KTN1: variants seen among roughly 807,000 people sequenced by gnomAD.
KTN1 encodes the protein kinectin.
A neutral mutation model predicts 222.5 loss-of-function variants in KTN1; 130 were observed. That is an observed-to-expected ratio of 0.58 (90% confidence interval 0.51 to 0.68). The LOEUF is 0.68. Among genes scored for constraint, KTN1 ranks in the 30% least tolerant of loss-of-function variants. The pLI is 0.00. For synonymous variants in KTN1, 512 were observed against 496.3 expected (o/e 1.03, Z -0.42); for missense variants, 1,508 against 1,500.4 (o/e 1.01, Z -0.08).
Position 55,612,217 on chromosome 14 carries a change from G to C in KTN1, c.169G>C (p.Ala57Pro). 6.3e-7 allele frequency: 1 copy of C among 1,584,598 alleles called. No individual in the cohort carries two copies. The highest frequency in any genetic ancestry group is 2.2e-5 in the East Asian group (1 of 44,648). ...LIPTKTDKKK[A>P]EKKKNKKKEI... ...TCCTACCAAAACAGATAAAAAGAAAGCAGAAAAGAAAAAGAATAAAAAGAA... is the reference window on the plus strand; with the variant it reads ...TCCTACCAAAACAGATAAAAAGAAACCAGAAAAGAAAAAGAATAAAAAGAA... Residue 57 changes from alanine to proline, a missense_variant, in exon 2 of 44, where the codon GCA becomes CCA. By Grantham distance (27) the Ala-to-Pro change is conservative. Transcript: ENST00000395314.
chr14:55,623,699 G>A (rs1382389252), intron 5 of KTN1, among the ~76,000 whole-genome samples: 5 of 152,080 alleles, frequency 3.3e-5, no homozygotes, highest in Admixed American at 2.0e-4. Flanking sequence ...TTTGTCCTTC[G>A]GTTTATTTTA....
intron 1 of KTN1, among the ~76,000 whole-genome samples, chr14:55,591,242 A>T (rs1334150366): frequency 6.6e-6 from 1 of 152,212 alleles, no homozygotes; most frequent in East Asian, 1.9e-4. Context: ...CAGGTATACT[A>T]TTCCATGCTG....
intron 1 of KTN1, among the ~76,000 whole-genome samples, chr14:55,604,728 A>G (rs74660577): frequency 1.3e-3 from 191 of 152,076 alleles, no homozygotes; most frequent in African/African-American, 4.5e-3. Context: ...TAACAAATGA[A>G]TAATAAAGAC....
chr14:55,641,023 T>A, intron 16 of KTN1, 53 bp downstream of exon 16: 1 of 1,525,902 alleles, frequency 6.6e-7, no homozygotes, highest in Non-Finnish European at 9.1e-7. Flanking sequence ...TTAATTATAA[T>A]TGTTGCAGAA....
At chr14:55,672,217 C>A in intron 37 of KTN1, 1 of 234,320 alleles carries the variant, frequency 4.3e-6, no homozygotes, top group South Asian at 1.2e-4. Flanking sequence ...AAAAGTCATT[C>A]TTCTATTCCT....
At chr14:55,591,162 G>GT (rs137981443) in intron 1 of KTN1, among the ~76,000 whole-genome samples, 9,655 of 151,566 alleles carry the variant, frequency 0.064, 411 homozygotes, top group South Asian at 0.091. Flanking sequence ...CTAGGATAGT[G>GT]TTTTTTTTCA....
chr14:55,618,513 A>G (rs967157395), intron 4 of KTN1, among the ~76,000 whole-genome samples: 9 of 152,148 alleles, frequency 5.9e-5, no homozygotes, highest in Non-Finnish European at 1.2e-4. Context: ...CTGTTTCCAC[A>G]TAAGTACACA....
At chr14:55,631,180 C>T (rs74666735) in intron 7 of KTN1, among the ~76,000 whole-genome samples, 2 of 151,140 alleles carry the variant, frequency 1.3e-5, no homozygotes, top group African/African-American at 4.9e-5. Flanking sequence ...TGGCTTGAGT[C>T]TGCTTGCTTG....
chr14:55,640,490 G>T, intron 15 of KTN1, 48 bp downstream of exon 15: 1 of 1,317,976 alleles, frequency 7.6e-7, no homozygotes, highest in South Asian at 1.3e-5. Flanking sequence ...TTCAATTTGC[G>T]TATTCTTATT....
intron 1 of KTN1, among the ~76,000 whole-genome samples, chr14:55,582,562 T>A (rs1271065098): frequency 6.6e-6 from 1 of 152,192 alleles, no homozygotes; most frequent in Non-Finnish European, 1.5e-5. Flanking sequence ...CATAATTGTT[T>A]TTTTAAAAGT....
chr14:55,668,446 T>C (rs2045091641), intron 34 of KTN1: 1 of 152,170 alleles, frequency 6.6e-6, no homozygotes, highest in Non-Finnish European at 1.5e-5. Context: ...CCTGTGGTGT[T>C]AGCATGTTCC....
chr14:55,608,007 CAT>C (rs1362117664), intron 1 of KTN1, among the ~76,000 whole-genome samples: 5 of 152,224 alleles, frequency 3.3e-5, no homozygotes, highest in African/African-American at 1.2e-4. Flanking sequence ...TGAGCGTCTA[CAT>C]GTCTCCATGT....
At chr14:55,660,303 A>G (rs367954303) in intron 31 of KTN1, among the ~76,000 whole-genome samples, 2 of 151,846 alleles carry the variant, frequency 1.3e-5, no homozygotes, top group Admixed American at 6.6e-5. Context: ...TTTTTAGCCC[A>G]GGAAGTTCGC....
At chr14:55,649,422 A>G (rs1444907869) in intron 21 of KTN1, among the ~76,000 whole-genome samples, 1 of 152,224 alleles carries the variant, frequency 6.6e-6, no homozygotes, top group East Asian at 1.9e-4. Context: ...CTAGAGTGAT[A>G]AAAAGGTTCT....
At chr14:55,599,288 C>A (rs1594763776) in intron 1 of KTN1, among the ~76,000 whole-genome samples, 1 of 151,686 alleles carries the variant, frequency 6.6e-6, no homozygotes, top group Admixed American at 6.6e-5. Flanking sequence ...GGATCTACTC[C>A]CTGTTTGTAT....
intron 32 of KTN1, among the ~76,000 whole-genome samples, chr14:55,662,728 TTAAC>T (rs1241816940): frequency 5.3e-5 from 8 of 152,212 alleles, no homozygotes; most frequent in African/African-American, 1.9e-4. Flanking sequence ...AATTGTTAAT[TTAAC>T]AAGTTGACAT....
In KTN1 at chr14:55,616,545, C is replaced by A; in HGVS notation, c.552C>A (p.Leu184=). The A allele has an allele frequency of 6.2e-7, 1 of 1,600,572 alleles. No homozygotes were observed. Among genetic ancestry groups the A allele is most frequent in the Non-Finnish European group, 8.5e-7 (1 of 1,176,474 alleles). ...ACCAGGATAAAAAGGTGGAAACTCT[C>A]ATGGTACCATCAAAAAGGCAAGAAG... is the stretch of plus-strand genomic sequence containing the variant. ...SDDQDKKVET[L]MVPSKRQEAL... The change falls in exon 3 of 44, where the codon CTC becomes CTA. Residue 184 remains leucine (L), a synonymous_variant. Transcript: ENST00000395314.
chr14:55,612,839 G>T (rs962720406), intron 2 of KTN1, among the ~76,000 whole-genome samples: 5 of 151,752 alleles, frequency 3.3e-5, no homozygotes, highest in African/African-American at 1.2e-4. Context: ...GACCCCTTGA[G>T]CCCAGGTGTT....
intron 9 of KTN1, 28 bp downstream of exon 9, chr14:55,634,686 T>C (rs1317685147): frequency 4.4e-6 from 7 of 1,593,900 alleles, no homozygotes; most frequent in South Asian, 1.1e-5. Flanking sequence ...TTATTTGTCA[T>C]TTCATGAATA....
Sources: allele counts gnomAD v4.1 joint callset (sites outside exome capture counted in the v4.1 genomes callset), GRCh38; gene constraint gnomAD v4.1.1; transcripts MANE v1.5; gene names NCBI Gene and HGNC (gene_info 2026-07-23, HGNC 2026-07-21).